Variants in UMOD observed in about 807,000 individuals in gnomAD.
UMOD encodes the protein uromodulin.
In UMOD, 64 loss-of-function variants were observed where a neutral mutation model predicts 66.0. The observed-to-expected ratio is 0.97, with a 90% confidence interval of 0.79 to 1.19. The LOEUF is 1.19. Ranked by LOEUF, UMOD falls within the 50% of genes most tolerant of loss-of-function variation. UMOD has a pLI of 0.00. For synonymous variants in UMOD, 398 were observed against 352.7 expected (o/e 1.13, Z -1.44); for missense variants, 764 against 850.9 (o/e 0.90, Z 1.27).
At chr16:20,355,733 G>T (rs190356657), upstream of UMOD, among the ~76,000 whole-genome samples, 7 of 152,104 alleles carry the variant, frequency 4.6e-5, no homozygotes, top group East Asian at 1.4e-3. Flanking sequence ...TTCAAACATG[G>T]GTAGGAGACT....
In UMOD at chr16:20,346,319, T is replaced by C; in HGVS notation, c.989A>G (p.Glu330Gly). ...DFNITDISLL[E>G]HRLECGANDM... ...ATTGGCCCCACATTCCAGCCTGTGC[T>C]CCAGGAGGGAGATATCTGAAACAGG... Residue 330 changes from glutamate (E) to glycine (G), a missense_variant, in exon 5 of 11, where the codon GAG becomes GGG. Glu to Gly is a moderately conservative substitution (Grantham distance 98, BLOSUM62 -2). Transcript: ENST00000396138. 1 of 1,614,228 alleles carries C rather than the reference T, an allele frequency of 6.2e-7. No individual in the cohort carries two copies. Among genetic ancestry groups the C allele is most frequent in the Non-Finnish European group, 8.5e-7 (1 of 1,180,034 alleles).
intron 8 of UMOD, 61 bp downstream of exon 8, chr16:20,337,230 T>G: frequency 6.3e-7 from 1 of 1,597,550 alleles, no homozygotes. Flanking sequence ...TTGATTTGTT[T>G]TCTTTGTGGC....
At chr16:20,351,737 G>A (rs987216555) in intron 1 of UMOD, among the ~76,000 whole-genome samples, 2 of 152,102 alleles carry the variant, frequency 1.3e-5, no homozygotes, top group East Asian at 1.9e-4. Context: ...AACATTTTAT[G>A]TTGCCAGGTG....
chr16:20,356,248 G>A (rs1966026859), upstream of UMOD: 1 of 152,262 alleles, frequency 6.6e-6, no homozygotes, highest in African/African-American at 2.4e-5. Flanking sequence ...ACCTGGAGGT[G>A]GCACACCCAT....
At chr16:20,344,911 T>G (rs1965457856) in intron 5 of UMOD, among the ~76,000 whole-genome samples, 1 of 152,196 alleles carries the variant, frequency 6.6e-6, no homozygotes. Context: ...CTAGACTGTT[T>G]TCAGCACCCC....
intron 2 of UMOD, chr16:20,349,999 G>A: frequency 9.9e-7 from 1 of 1,006,438 alleles, no homozygotes; most frequent in African/African-American, 1.6e-5. Context: ...GGCCTCGTGA[G>A]GTCAGTTTTT....
chr16:20,350,386 G>A (rs1567312518), intron 2 of UMOD, among the ~76,000 whole-genome samples: 1 of 152,200 alleles, frequency 6.6e-6, no homozygotes, highest in African/African-American at 2.4e-5. Flanking sequence ...CCCAGTATGA[G>A]CATCGCCTGG....
intron 6 of UMOD, 152 bp downstream of exon 6, chr16:20,343,872 G>GT: frequency 1.1e-6 from 1 of 875,608 alleles, no homozygotes; most frequent in Non-Finnish European, 1.8e-6. Context: ...TTTGAACCTG[G>GT]GCTCCAGAAT....
intron 7 of UMOD, among the ~76,000 whole-genome samples, chr16:20,338,477 C>T (rs1965003035): frequency 1.3e-5 from 2 of 152,172 alleles, no homozygotes; most frequent in Non-Finnish European, 2.9e-5. Flanking sequence ...AAGTTTTCCG[C>T]AATGTCCCTG....
chr16:20,344,728 A>G (rs775506520), intron 5 of UMOD, among the ~76,000 whole-genome samples: 1 of 152,126 alleles, frequency 6.6e-6, no homozygotes, highest in African/African-American at 2.4e-5. Flanking sequence ...ATTCATGCGC[A>G]TATGTCATGT....
intron 5 of UMOD, among the ~76,000 whole-genome samples, chr16:20,345,088 A>T (rs1965468194): frequency 6.6e-6 from 1 of 152,210 alleles, no homozygotes. Context: ...ATCTCGGCTC[A>T]CTGCAACCTC....
In UMOD at chr16:20,348,601, T is replaced by C; in HGVS notation, c.700A>G (p.Thr234Ala). ...NTAAPMWLNG[T>A]HPSSDEGIVS... is the part of the protein sequence containing the mutation. Reference sequence around the variant, plus strand: ...ATGCCCTCGTCGCTGGACGGATGCGTGCCATTGAGCCACATGGGGGCGGCC... The same window carrying C: ...ATGCCCTCGTCGCTGGACGGATGCGCGCCATTGAGCCACATGGGGGCGGCC... Residue 234 changes from threonine to alanine, a missense_variant, in exon 3 of 11, where the codon ACG becomes GCG. Thr to Ala is a moderately conservative substitution (Grantham distance 58). Coordinates refer to ENST00000396138, the MANE Select transcript of UMOD (RefSeq NM_003361.4). 1 of 1,590,316 alleles carries C rather than the reference T, an allele frequency of 6.3e-7. No homozygotes were observed. The highest frequency in any genetic ancestry group is 1.3e-5 in the African/African-American group (1 of 74,750).
intron 9 of UMOD, 89 bp from the exon 10 acceptor site, chr16:20,335,609 C>G (rs1382627893): frequency 2.2e-6 from 3 of 1,344,260 alleles, no homozygotes; most frequent in Admixed American, 1.7e-5. Flanking sequence ...CTACTTTTCA[C>G]TTCGCAGCCA....
intron 10 of UMOD, 80 bp from the exon 11 acceptor site, chr16:20,333,455 C>T (rs550449698): frequency 1.1e-4 from 145 of 1,364,496 alleles, no homozygotes; most frequent in Non-Finnish European, 1.5e-4. Context: ...CTCGTCTAGG[C>T]TGACCAATCA....
chr16:20,348,965 G>A lies in UMOD; in HGVS notation c.336C>T (p.Cys112=). The change falls in exon 3 of 11, where the codon TGC becomes TGT. Residue 112 remains cysteine, a synonymous_variant. Transcript: ENST00000396138. ...GGCAGTGGCTAAGCCCAGGCTCAGCGCACTCATCCACGTCTGTGCAGCCGA... is the reference window on the plus strand; with the variant it reads ...GGCAGTGGCTAAGCCCAGGCTCAGCACACTCATCCACGTCTGTGCAGCCGA... ...PGLGCTDVDE[C]AEPGLSHCHA... 1 of 1,573,284 alleles carries A rather than the reference G, an allele frequency of 6.4e-7. No individual in the cohort carries two copies. Among genetic ancestry groups the A allele is most frequent in the South Asian group, 1.2e-5 (1 of 86,098 alleles).
Position 20,348,569 on chromosome 16 carries a change from G to C in UMOD, c.732C>G (p.Ser244Arg), listed in dbSNP as rs1408064821. The change falls in exon 3 of 11, where the codon AGC (serine) becomes AGG (arginine). Residue 244 changes from serine to arginine, a missense_variant. By Grantham distance (110) the Ser-to-Arg change is moderately radical (BLOSUM62 -1). Coordinates refer to ENST00000396138, the MANE Select transcript of UMOD (RefSeq NM_003361.4). The stretch of plus-strand genomic sequence containing the variant: ...CGCTCCAGTGCGCGCAGGCCTTGCG[G>C]CTCACGATGCCCTCGTCGCTGGACG... ...THPSSDEGIV[S>R]RKACAHWSGH... 1 of 1,596,208 alleles carries C rather than the reference G, an allele frequency of 6.3e-7. No homozygotes were observed. Among genetic ancestry groups the C allele is most frequent in the African/African-American group, 1.3e-5 (1 of 74,774 alleles).
At chr16:20,346,843 A>G (rs930248448) in intron 4 of UMOD, among the ~76,000 whole-genome samples, 1 of 151,904 alleles carries the variant, frequency 6.6e-6, no homozygotes, top group African/African-American at 2.4e-5. Flanking sequence ...CGTTGTGCAC[A>G]TGTACCCTAG....
intron 1 of UMOD, among the ~76,000 whole-genome samples, chr16:20,351,920 A>G (rs534726757): frequency 1.2e-3 from 175 of 151,068 alleles, no homozygotes; most frequent in Admixed American, 4.9e-3. Flanking sequence ...CGGGAGGCTG[A>G]GACAGGAGGA....
chr16:20,333,494 C>T, intron 10 of UMOD, 119 bp from the exon 11 acceptor site: 1 of 960,402 alleles, frequency 1.0e-6, no homozygotes, highest in Admixed American at 2.1e-5. Flanking sequence ...GGGCTGCTCT[C>T]CTAGAAAAAG....
Sources: gnomAD v4.1 joint callset for allele counts (sites outside exome capture counted in the v4.1 genomes callset) on GRCh38, gnomAD v4.1.1 for gene constraint, MANE v1.5 for transcripts, NCBI Gene and HGNC (gene_info 2026-07-23, HGNC 2026-07-21) for gene names.